The following ATP8A2 variants were observed in gnomAD, a reference collection of about 807,000 sequenced individuals.
ATP8A2 encodes ATPase phospholipid transporting 8A2.
ATP8A2 carries 100 observed loss-of-function variants against 165.6 expected under a neutral mutation model. That is an observed-to-expected ratio of 0.60 (90% CI 0.51 to 0.71). The LOEUF (loss-of-function observed/expected upper bound fraction) is 0.71, where lower values mean the gene tolerates loss of function less well. Among genes scored for constraint, ATP8A2 ranks in the 30% least tolerant of loss-of-function variants. The pLI is 0.00. For synonymous variants in ATP8A2, 543 were observed against 548.8 expected, an observed-to-expected ratio of 0.99 and a Z score of 0.15; for missense variants, 1,227 against 1,479.5, an observed-to-expected ratio of 0.83 and a Z score of 2.80.
chr13:25,724,193 G>A (rs530361166), intron 25 of ATP8A2, among the ~76,000 whole-genome samples: 10 of 152,216 alleles, frequency 6.6e-5, no homozygotes, highest in Admixed American at 6.5e-4. Flanking sequence ...AATTTGTCAT[G>A]CAGCAATAGA....
At chr13:25,482,434 A>G (rs1364945841) in intron 2 of ATP8A2, among the ~76,000 whole-genome samples, 1 of 152,076 alleles carries the variant, frequency 6.6e-6, no homozygotes, top group African/African-American at 2.4e-5. Flanking sequence ...GTAGAGACCA[A>G]TGAGCTGGGC....
intron 28 of ATP8A2, among the ~76,000 whole-genome samples, chr13:25,830,980 T>G (rs1951448356): frequency 6.6e-6 from 1 of 152,176 alleles, no homozygotes; most frequent in African/African-American, 2.4e-5. Flanking sequence ...CTATTCTTGC[T>G]CCAATAATGC....
At chr13:25,447,139 A>C (rs2138220545) in intron 1 of ATP8A2, among the ~76,000 whole-genome samples, 1 of 152,348 alleles carries the variant, frequency 6.6e-6, no homozygotes, top group Non-Finnish European at 1.5e-5. Flanking sequence ...TTTGTTCTAA[A>C]TAATATCTTT....
chr13:25,813,183 G>A (rs1449193544), intron 27 of ATP8A2, among the ~76,000 whole-genome samples: 1 of 151,886 alleles, frequency 6.6e-6, no homozygotes, highest in Non-Finnish European at 1.5e-5. Flanking sequence ...TAACAAACCT[G>A]CACATCCTGC....
intron 1 of ATP8A2, among the ~76,000 whole-genome samples, chr13:25,434,246 C>T (rs1009983275): frequency 6.6e-6 from 1 of 152,136 alleles, no homozygotes; most frequent in Non-Finnish European, 1.5e-5. Flanking sequence ...GGACACTGAC[C>T]CACAGTTTGT....
At chr13:25,408,393 A>G (rs1276498120) in intron 1 of ATP8A2, among the ~76,000 whole-genome samples, 2 of 136,118 alleles carry the variant, frequency 1.5e-5, no homozygotes, top group African/African-American at 7.1e-5. Flanking sequence ...CTCCGTCTCA[A>G]AAAAAAAAAA....
At chr13:25,567,091 C>CCTACATG (rs2039336315) in intron 16 of ATP8A2, 6 of 289,844 alleles carry the variant, frequency 2.1e-5, no homozygotes, top group South Asian at 1.9e-4. Context: ...CTGGGGACCC[C>CCTACATG]CTACATGCTA....
At chr13:25,793,659 G>A (rs1253200940) in intron 27 of ATP8A2, among the ~76,000 whole-genome samples, 3 of 3,848 alleles carry the variant, frequency 7.8e-4, no homozygotes, top group African/African-American at 8.9e-4. Context: ...GGGAGACTTA[G>A]TGTTTTTTTT....
rs567853428 is a variant in ATP8A2, at chr13:25,414,201, T to G, written c.76+41913T>G. 4.0e-5 allele frequency among the ~76,000 whole-genome samples: 6 copies of G among 149,922 alleles called. No individual in the cohort carries two copies. The South Asian group carries it at 1.1e-3, about 27-fold the overall frequency. On this transcript the variant is annotated intron_variant, in intron 1 of 36. Coordinates refer to ENST00000381655, the MANE Select transcript of ATP8A2 (RefSeq NM_016529.6). ...GGGCTGTGGTGTTTTTTTTTTTTTT[T>G]TTTTTTTGAGTCAGAGTCTCGCTCT...
rs575133383 is a variant in ATP8A2, at chr13:25,676,924, G to A, written c.2212-22249G>A. Among the ~76,000 whole-genome samples the A allele has an allele frequency of 1.1e-3, 162 of 152,274 alleles. 2 individuals carry two copies. Among genetic ancestry groups the A allele is most frequent in the African/African-American group, 3.7e-3 (154 of 41,558 alleles). On this transcript the variant is annotated intron_variant, in intron 24 of 36. Transcript: ENST00000381655. ...TTTTGTAGTCTTGCTCTTTTGAAGG[G>A]ATTTAGGAAACCTCTAACTTCTTTT...
At chr13:25,629,511 A>C (rs1314845028) in intron 24 of ATP8A2, among the ~76,000 whole-genome samples, 1 of 152,160 alleles carries the variant, frequency 6.6e-6, no homozygotes, top group Non-Finnish European at 1.5e-5. Flanking sequence ...TTTTTGAAAT[A>C]ATAGCTCGAA....
At chr13:25,809,143 T>G in intron 27 of ATP8A2, among the ~76,000 whole-genome samples, 1 of 152,072 alleles carries the variant, frequency 6.6e-6, no homozygotes, top group East Asian at 1.9e-4. Context: ...AAAAGTGAGG[T>G]GTCTTCAAAG....
At chr13:25,884,782 T>A (rs1186183714) in intron 33 of ATP8A2, among the ~76,000 whole-genome samples, 1 of 152,176 alleles carries the variant, frequency 6.6e-6, no homozygotes, top group South Asian at 2.1e-4. Flanking sequence ...AGAGTTTGAT[T>A]TCATTGCCCC....
chr13:25,840,761 GT>G (rs1312996928), intron 30 of ATP8A2, among the ~76,000 whole-genome samples: 1 of 152,194 alleles, frequency 6.6e-6, no homozygotes, highest in Non-Finnish European at 1.5e-5. Context: ...TTCAGAGGCT[GT>G]GATATTTTGG....
At chr13:25,744,440 A>G (rs2043985541) in intron 25 of ATP8A2, among the ~76,000 whole-genome samples, 1 of 152,170 alleles carries the variant, frequency 6.6e-6, no homozygotes, top group Non-Finnish European at 1.5e-5. Context: ...GTGTGTTTGC[A>G]CATTTCATTT....
intron 33 of ATP8A2, among the ~76,000 whole-genome samples, chr13:25,916,987 A>C (rs1438264415): frequency 6.6e-6 from 1 of 152,132 alleles, no homozygotes. Flanking sequence ...TTTTTCTGGC[A>C]CCAACATCCT....
At chr13:25,706,739 C>T (rs2043061906) in intron 25 of ATP8A2, among the ~76,000 whole-genome samples, 1 of 152,198 alleles carries the variant, frequency 6.6e-6, no homozygotes, top group South Asian at 2.1e-4. Context: ...CCTACTTTGA[C>T]ATCCTATTCC....
intron 35 of ATP8A2, among the ~76,000 whole-genome samples, chr13:25,977,263 T>C (rs991344113): frequency 6.6e-6 from 1 of 151,902 alleles, no homozygotes; most frequent in African/African-American, 2.4e-5. Context: ...CAAAGCCTAA[T>C]GCCGGCAAAC....
chr13:25,753,842 A>G (rs544338940), intron 25 of ATP8A2, among the ~76,000 whole-genome samples: 19 of 152,242 alleles, frequency 1.2e-4, no homozygotes, highest in Non-Finnish European at 2.5e-4. Flanking sequence ...GTCTGTTTCT[A>G]TCACTAACAT....
Sources: allele counts gnomAD v4.1 joint callset (sites outside exome capture counted in the v4.1 genomes callset), GRCh38; gene constraint gnomAD v4.1.1; transcripts MANE v1.5; gene names NCBI Gene and HGNC (gene_info 2026-07-23, HGNC 2026-07-21).